ANXA2: variants seen among roughly 807,000 people sequenced by gnomAD.
The protein encoded by ANXA2 is annexin A2.
ANXA2 carries 28 observed loss-of-function variants against 47.3 expected under a neutral mutation model. The ratio of observed to expected loss-of-function variants is 0.59; its 90% CI spans 0.44 to 0.81. The LOEUF is 0.81. ANXA2 is among the 40% of genes least tolerant of loss of function. The pLI, the probability that ANXA2 is intolerant of heterozygous loss-of-function variation, is 0.00. For missense variants in ANXA2, 384 were observed against 414.3 expected, an observed-to-expected ratio of 0.93 and a Z score of 0.64; for synonymous variants, 172 against 155.5, an observed-to-expected ratio of 1.11 and a Z score of -0.79.
chr15:60,374,506 T>C (rs918973362), intron 3 of ANXA2: 1 of 456,082 alleles, frequency 2.2e-6, no homozygotes, highest in Admixed American at 2.3e-5. Flanking sequence ...ATCTGGTTAC[T>C]GCCATTGTCC....
intron 3 of ANXA2, among the ~76,000 whole-genome samples, chr15:60,366,597 C>A (rs1176123895): frequency 2.0e-5 from 3 of 148,600 alleles, no homozygotes; most frequent in African/African-American, 5.0e-5. Context: ...AAGTGAGGAG[C>A]CCCTCCGTCC....
intron 11 of ANXA2, among the ~76,000 whole-genome samples, chr15:60,350,355 T>TAGAA (rs1895953682): frequency 7.9e-5 from 12 of 152,096 alleles, no homozygotes; most frequent in Admixed American, 5.9e-4. Flanking sequence ...TGAGTCTCCA[T>TAGAA]ATGTAACAAG....
chr15:60,378,475 C>T (rs945856986), intron 3 of ANXA2, among the ~76,000 whole-genome samples: 1 of 152,096 alleles, frequency 6.6e-6, no homozygotes, highest in Non-Finnish European at 1.5e-5. Context: ...ACATACTTCC[C>T]AACTAAAAGA....
At chr15:60,386,320 T>C (rs1434819988) in intron 1 of ANXA2, 3 of 491,710 alleles carry the variant, frequency 6.1e-6, no homozygotes, top group Non-Finnish European at 1.1e-5. Context: ...TTCCTCTGTG[T>C]AAACAGAACC....
At chr15:60,381,465 T>C (rs1010541611) in intron 3 of ANXA2, among the ~76,000 whole-genome samples, 1 of 152,192 alleles carries the variant, frequency 6.6e-6, no homozygotes, top group African/African-American at 2.4e-5. Flanking sequence ...ATTGCTTAAT[T>C]AATATAAGCC....
At chr15:60,351,295 C>G (rs1333170528) in intron 10 of ANXA2, 44 bp from the exon 11 acceptor site, 1 of 1,594,254 alleles carries the variant, frequency 6.3e-7, no homozygotes, top group South Asian at 1.1e-5. Flanking sequence ...CTGCTCTGGT[C>G]TCTCCTCTAC....
intron 4 of ANXA2, 55 bp from the exon 5 acceptor site, chr15:60,361,109 G>T (rs1239848517): frequency 1.1e-5 from 14 of 1,229,638 alleles, no homozygotes; most frequent in African/African-American, 1.5e-5. Flanking sequence ...TAAAACTAGT[G>T]AGTAAAACAA....
intron 3 of ANXA2, among the ~76,000 whole-genome samples, chr15:60,375,438 CTTTTCTA>C (rs1039575981): frequency 6.6e-6 from 1 of 152,130 alleles, no homozygotes; most frequent in African/African-American, 2.4e-5. Flanking sequence ...TCGATTCATC[CTTTTCTA>C]ATTTAGCTGA....
intron 7 of ANXA2, chr15:60,355,524 T>C: frequency 3.0e-6 from 1 of 330,430 alleles, no homozygotes; most frequent in South Asian, 2.6e-5. Context: ...CAAAGGACTA[T>C]ATGGGCAAAT....
intron 1 of ANXA2, among the ~76,000 whole-genome samples, chr15:60,396,757 C>A (rs539829208): frequency 1.3e-5 from 2 of 152,310 alleles, no homozygotes; most frequent in African/African-American, 4.8e-5. Context: ...CACGTGTGAA[C>A]AGAATCCATC....
intron 1 of ANXA2, among the ~76,000 whole-genome samples, chr15:60,397,578 G>A (rs996506158): frequency 1.3e-5 from 2 of 152,180 alleles, no homozygotes; most frequent in Non-Finnish European, 2.9e-5. Context: ...TCCCTGGGCG[G>A]CCACGCCCTG....
Position 60,347,488 on chromosome 15 carries a change from A to T in ANXA2, c.*142T>A, listed in dbSNP as rs1235978510. On this transcript the variant is annotated 3_prime_UTR_variant, in exon 13 of 13. Coordinates refer to ENST00000451270, the MANE Select transcript of ANXA2 (RefSeq NM_004039.3). ...CAGGAAGGCCAGGCAATGCTTAGGCAACTAAAATGAGGTTGGGGGTAATGC... is the reference window on the plus strand; with the variant it reads ...CAGGAAGGCCAGGCAATGCTTAGGCTACTAAAATGAGGTTGGGGGTAATGC... 1 of 718,950 alleles carries T rather than the reference A, an allele frequency of 1.4e-6. No homozygotes were observed. The highest frequency in any genetic ancestry group is 2.4e-6 in the Non-Finnish European group (1 of 422,022). The allele number at this position is 718,950 out of a possible 1,614,324, so 44.5% of individuals were successfully genotyped here. A position where few individuals can be genotyped will look rare whatever the true frequency, so the allele number is the denominator to read the frequency against.
chr15:60,371,637 G>A (rs2062711568), intron 3 of ANXA2, among the ~76,000 whole-genome samples: 1 of 152,178 alleles, frequency 6.6e-6, no homozygotes, highest in African/African-American at 2.4e-5. Flanking sequence ...GGGAGAGTGG[G>A]GGTTGACTTG....
intron 3 of ANXA2, among the ~76,000 whole-genome samples, chr15:60,368,321 TAAAATA>T (rs1370444581): frequency 2.0e-4 from 14 of 71,390 alleles, no homozygotes; most frequent in East Asian, 8.2e-4. Flanking sequence ...AAAAAAAAAA[TAAAATA>T]AAATAAAATA....
intron 1 of ANXA2, chr15:60,392,920 A>C: frequency 1.0e-6 from 1 of 972,502 alleles, no homozygotes; most frequent in South Asian, 1.9e-5. Context: ...CACAGTCTAC[A>C]GGCCACACTG....
At chr15:60,387,105 A>G (rs1268481263) in intron 1 of ANXA2, 2 of 152,212 alleles carry the variant, frequency 1.3e-5, no homozygotes, top group African/African-American at 2.4e-5. Flanking sequence ...TGTGACATAG[A>G]TATTTGCTAA....
chr15:60,371,162 T>G (rs973789741), intron 3 of ANXA2, among the ~76,000 whole-genome samples: 1 of 152,164 alleles, frequency 6.6e-6, no homozygotes, highest in Non-Finnish European at 1.5e-5. Flanking sequence ...TGAACGAAAA[T>G]AGCCAACTAA....
At chr15:60,396,205 A>G (rs2063078058) in intron 1 of ANXA2, 2 of 152,182 alleles carry the variant, frequency 1.3e-5, no homozygotes, top group African/African-American at 4.8e-5. Context: ...CTACAGGCCC[A>G]CGACCACGCC....
At chr15:60,366,722 A>G (rs1341122802) in intron 3 of ANXA2, among the ~76,000 whole-genome samples, 2 of 67,056 alleles carry the variant, frequency 3.0e-5, no homozygotes, top group Non-Finnish European at 2.8e-5. Flanking sequence ...CCGGGAGGTG[A>G]GGGGCTCCTC....
Sources: gnomAD v4.1 joint callset for allele counts (sites outside exome capture counted in the v4.1 genomes callset) on GRCh38, gnomAD v4.1.1 for gene constraint, MANE v1.5 for transcripts, NCBI Gene and HGNC (gene_info 2026-07-23, HGNC 2026-07-21) for gene names.